ANKRD31: variants seen among roughly 807,000 people sequenced by gnomAD.
ANKRD31 encodes the protein ankyrin repeat domain-containing protein 31.
In ANKRD31, 147 loss-of-function variants were observed where a neutral mutation model predicts 186.0. The observed-to-expected ratio is 0.79, with a 90% confidence interval of 0.69 to 0.91. The LOEUF (loss-of-function observed/expected upper bound fraction) is 0.91. Ranked by LOEUF, ANKRD31 falls within the 40% of genes least tolerant of loss-of-function variation. The pLI is 0.00. For missense variants in ANKRD31, 1,986 were observed against 2,148.8 expected (o/e 0.92, Z 1.50); for synonymous variants, 673 against 736.4 (o/e 0.91, Z 1.39).
intron 2 of ANKRD31, among the ~76,000 whole-genome samples, chr5:75,227,266 C>A (rs1757688023): frequency 6.6e-6 from 1 of 151,998 alleles, no homozygotes; most frequent in Non-Finnish European, 1.5e-5. Flanking sequence ...AGGATGGTTA[C>A]CAGAGACTGG....
intron 17 of ANKRD31, among the ~76,000 whole-genome samples, chr5:75,132,543 G>A (rs545095101): frequency 2.0e-5 from 3 of 152,264 alleles, no homozygotes; most frequent in South Asian, 4.1e-4. Context: ...ACATCTGATC[G>A]GTGTACCTGA....
chr5:75,236,730 C>T lies in ANKRD31; in HGVS notation c.-44G>A, dbSNP rs887152645. Reference sequence around the variant, plus strand: ...GTCTTTTTTACCCTCCTCTAACTCCCTCTTGCCCGCAAACAAAAAAACGCT... The same window carrying T: ...GTCTTTTTTACCCTCCTCTAACTCCTTCTTGCCCGCAAACAAAAAAACGCT... On this transcript the variant is annotated 5_prime_UTR_variant, in exon 1 of 26. Transcript: ENST00000506364. 3 of 1,447,106 alleles carry T rather than the reference C, an allele frequency of 2.1e-6. No homozygotes were observed. Among genetic ancestry groups the T allele is most frequent in the Non-Finnish European group, 2.8e-6 (3 of 1,083,912 alleles). 89.6% of individuals were successfully genotyped at this position (1,447,106 alleles called of 1,614,324 possible).
intron 17 of ANKRD31, among the ~76,000 whole-genome samples, chr5:75,120,284 A>G (rs374309442): frequency 1.3e-5 from 2 of 152,148 alleles, no homozygotes; most frequent in East Asian, 1.9e-4. Context: ...AGTCTCAGCT[A>G]CTTGAGAGGT....
chr5:75,148,172 T>A (rs1751608902), intron 13 of ANKRD31, among the ~76,000 whole-genome samples: 2 of 151,828 alleles, frequency 1.3e-5, no homozygotes, highest in Non-Finnish European at 2.9e-5. Flanking sequence ...TATTATGGGC[T>A]GCTAAGATTA....
chr5:75,206,997 A>G (rs1221137692), intron 4 of ANKRD31, among the ~76,000 whole-genome samples: 1 of 152,212 alleles, frequency 6.6e-6, no homozygotes, highest in Non-Finnish European at 1.5e-5. Flanking sequence ...AATAAGGGTC[A>G]TGCCTAATCT....
intron 22 of ANKRD31, among the ~76,000 whole-genome samples, chr5:75,092,947 T>C (rs1746034295): frequency 2.7e-5 from 4 of 149,036 alleles, no homozygotes; most frequent in Admixed American, 2.7e-4. Flanking sequence ...AGTTATGGAG[T>C]TGGAAAATAA....
In ANKRD31 at chr5:75,105,002, A is replaced by G. The variant is rs2150058461; in HGVS notation, c.4557T>C (p.Thr1519=). ...GGGGATGCTCTAAATTTTCCAGACT[A>G]GTGAGCTCTTGGCTGTCTTTTTCAC... ...ISSEKDSQEL[T]SLENLEHPQS... Residue 1519 remains threonine, a synonymous_variant, in exon 22 of 26, where the codon ACT becomes ACC. Transcript: ENST00000506364. 6.5e-7 allele frequency: 1 copy of G among 1,536,866 alleles called. No individual in the cohort carries two copies. Among genetic ancestry groups the G allele is most frequent in the Non-Finnish European group, 8.7e-7 (1 of 1,146,812 alleles).
intron 1 of ANKRD31, among the ~76,000 whole-genome samples, chr5:75,232,418 C>T (rs1354025175): frequency 6.6e-6 from 1 of 152,166 alleles, no homozygotes; most frequent in Non-Finnish European, 1.5e-5. Flanking sequence ...TGCCTGCCAT[C>T]AGGCCCAGCT....
At chr5:75,212,188 CT>C (rs1328127536) in intron 3 of ANKRD31, among the ~76,000 whole-genome samples, 5 of 151,982 alleles carry the variant, frequency 3.3e-5, no homozygotes, top group African/African-American at 9.7e-5. Flanking sequence ...GAGAAGTGCT[CT>C]TTTTTTTATT....
rs549073906 is a variant in ANKRD31, at chr5:75,145,202, C to T, written c.3424+785G>A. 1.9e-4 allele frequency among the ~76,000 whole-genome samples: 29 copies of T among 152,112 alleles called. No individual in the cohort carries two copies. The East Asian group carries it at 5.6e-3, about 29-fold the overall frequency. The stretch of plus-strand genomic sequence containing the variant: ...CAGTGATTCCTCAAGGATCTAGAAC[C>T]AGAAATACCATTTGACGCAGCCATC... On this transcript the variant is annotated intron_variant, in intron 14 of 25. Transcript: ENST00000506364.
At chr5:75,230,689 C>A in intron 1 of ANKRD31, 54 bp from the exon 2 acceptor site, 1 of 1,342,906 alleles carries the variant, frequency 7.4e-7, no homozygotes, top group Non-Finnish European at 1.0e-6. Context: ...TAAACAAAGA[C>A]TAACATTTTA....
chr5:75,204,045 A>G (rs1254979840), intron 5 of ANKRD31, among the ~76,000 whole-genome samples: 1 of 152,210 alleles, frequency 6.6e-6, no homozygotes, highest in African/African-American at 2.4e-5. Context: ...TGGTCAATTT[A>G]CTAAACTTCT....
intron 2 of ANKRD31, 75 bp downstream of exon 2, chr5:75,230,487 G>T: frequency 8.6e-7 from 1 of 1,161,694 alleles, no homozygotes; most frequent in Non-Finnish European, 1.2e-6. Flanking sequence ...CAGTTTCCAA[G>T]AACCTATCAA....
At position 75,236,588 on chromosome 5, in the gene ANKRD31, C is replaced by T; in HGVS notation, c.99G>A (p.Trp33Ter). Residue 33 changes from tryptophan (W) to a stop codon, truncating the protein, a stop_gained, in exon 1 of 26, where the codon TGG becomes TGA. Coordinates refer to ENST00000506364, the MANE Select transcript of ANKRD31 (RefSeq NM_001372053.1). LOFTEE classifies it high-confidence loss of function. ...ESDLEEKELP[W>*]RRLLFDQDAS... ...GTGGCCCTAATGATGGTCACCTTCT[C>T]CAGGGCAGCTCCTTTTCTTCCAGGT... is the stretch of plus-strand genomic sequence containing the variant. 1 of 1,537,082 alleles carries T rather than the reference C, an allele frequency of 6.5e-7. No homozygotes were observed. The highest frequency in any genetic ancestry group is 8.7e-7 in the Non-Finnish European group (1 of 1,146,786).
chr5:75,094,767 C>G (rs1746184577), intron 22 of ANKRD31, among the ~76,000 whole-genome samples: 1 of 151,508 alleles, frequency 6.6e-6, no homozygotes, highest in Non-Finnish European at 1.5e-5. Flanking sequence ...AAAATAAGAC[C>G]CAACTATATA....
chr5:75,195,606 T>A, intron 7 of ANKRD31, 25 bp downstream of exon 7: 1 of 1,478,736 alleles, frequency 6.8e-7, no homozygotes, highest in East Asian at 2.5e-5. Flanking sequence ...AATGGTGGAG[T>A]AGAACAAAGA....
In ANKRD31 at chr5:75,226,984, G is replaced by A. The variant is rs549298148; in HGVS notation, c.178+3578C>T. On this transcript the variant is annotated intron_variant, in intron 2 of 25. Transcript: ENST00000506364. ...ATCAAAGAGATATCTGCACTCCCAC[G>A]GTTTTTTTTTTAGCACTATCCACAA... Among the ~76,000 whole-genome samples the A allele has an allele frequency of 4.6e-5, 7 of 151,982 alleles. No homozygotes were observed. In the South Asian group the frequency reaches 8.3e-4, roughly 18 times the overall value.
At chr5:75,173,804 C>T (rs1399322365) in intron 10 of ANKRD31, among the ~76,000 whole-genome samples, 1 of 152,084 alleles carries the variant, frequency 6.6e-6, no homozygotes, top group Non-Finnish European at 1.5e-5. Context: ...GGCCATACTG[C>T]CCAAGGTAAT....
Position 75,193,464 on chromosome 5 carries a change from C to T in ANKRD31, c.1145G>A (p.Cys382Tyr), listed in dbSNP as rs1419254078. 4 of 1,537,246 alleles carry T rather than the reference C, an allele frequency of 2.6e-6. No individual in the cohort carries two copies. Among genetic ancestry groups the T allele is most frequent in the Non-Finnish European group, 2.6e-6 (3 of 1,146,806 alleles). Residue 382 changes from cysteine to tyrosine, a missense_variant, in exon 8 of 26, where the codon TGT becomes TAT. Transcript: ENST00000506364. The stretch of plus-strand genomic sequence containing the variant: ...TAGTCTGGATGATCTCCTCAACACA[C>T]ACGCAGTTTCCTGATCAGAGCTATT... ...VTNSSDQETACVLRRSSRLEK... is the reference protein window; with the variant it reads ...VTNSSDQETAYVLRRSSRLEK...
Sources: gnomAD v4.1 joint callset for allele counts (sites outside exome capture counted in the v4.1 genomes callset) on GRCh38, gnomAD v4.1.1 for gene constraint, MANE v1.5 for transcripts, NCBI Gene and HGNC (gene_info 2026-07-23, HGNC 2026-07-21) for gene names.